Variants in TOX observed in about 807,000 individuals in gnomAD.
TOX encodes the protein thymocyte selection associated high mobility group box, also known as thymocyte selection-associated high mobility group box protein TOX.
A neutral mutation model predicts 53.7 loss-of-function variants in TOX; 11 were observed. The ratio of observed to expected loss-of-function variants is 0.20; its 90% CI spans 0.13 to 0.34. The LOEUF (loss-of-function observed/expected upper bound fraction) is 0.34, where lower values mean the gene tolerates loss of function less well. Ranked by LOEUF, TOX falls within the 10% of genes least tolerant of loss-of-function variation. The pLI is 1.00. For synonymous variants in TOX, 225 were observed against 245.3 expected (o/e 0.92, Z 0.77); for missense variants, 570 against 664.6 (o/e 0.86, Z 1.56).
chr8:58,915,012 A>T (rs1429097228), intron 3 of TOX, among the ~76,000 whole-genome samples: 2 of 150,644 alleles, frequency 1.3e-5, no homozygotes, highest in African/African-American at 4.9e-5. Flanking sequence ...AAAACGGCGC[A>T]CCACGAGACT....
rs936391022 is a variant in TOX at position 58,961,594 on chromosome 8, C to T, written c.103-1586G>A. Among the ~76,000 whole-genome samples, 8 of 151,416 alleles carry T rather than the reference C, an allele frequency of 5.3e-5. No homozygotes were observed. The East Asian group carries it at 7.8e-4, about 15-fold the overall frequency. On this transcript the variant is annotated intron_variant, in intron 1 of 8. Coordinates refer to ENST00000361421, the MANE Select transcript of TOX (RefSeq NM_014729.3). ...CCCAGGCTGAGTGAAATGGCGCGATCGCAGCTCACTGCAATCTCCGCCTCC... is the reference window on the plus strand; with the variant it reads ...CCCAGGCTGAGTGAAATGGCGCGATTGCAGCTCACTGCAATCTCCGCCTCC...
chr8:59,116,417 C>T (rs1805099493), intron 1 of TOX, among the ~76,000 whole-genome samples: 1 of 152,248 alleles, frequency 6.6e-6, no homozygotes, highest in Non-Finnish European at 1.5e-5. Context: ...TGTCCTTCTT[C>T]CATTTCCCTG....
chr8:58,805,990 G>A lies in TOX; in HGVS notation c.*1757C>T, dbSNP rs761717666. On this transcript the variant is annotated 3_prime_UTR_variant, in exon 9 of 9. Coordinates refer to ENST00000361421, the MANE Select transcript of TOX (RefSeq NM_014729.3). ...GCTAAATTTATTTCACATATTCCAA[G>A]AAAGAGACATCAGCCATTCTCTTGG... The A allele has an allele frequency of 1.3e-5, 2 of 152,602 alleles. No individual in the cohort carries two copies. The highest frequency in any genetic ancestry group is 1.5e-5 in the Non-Finnish European group (1 of 68,034). 9.5% of individuals were successfully genotyped at this position (152,602 alleles called of 1,614,324 possible).
chr8:58,921,811 A>T (rs144086067), intron 3 of TOX, among the ~76,000 whole-genome samples: 47 of 152,320 alleles, frequency 3.1e-4, no homozygotes, highest in African/African-American at 1.1e-3. Flanking sequence ...TCTCTGAAAG[A>T]GGTCGTTTTT....
chr8:58,919,336 T>C (rs1207231953), intron 3 of TOX, among the ~76,000 whole-genome samples: 3 of 54,102 alleles, frequency 5.5e-5, no homozygotes, highest in African/African-American at 2.6e-4. Context: ...CAAAACAGCA[T>C]GGTACTGGTA....
rs560478337 is a variant in TOX at position 58,851,158 on chromosome 8, GTCTCTCTCTCTCTC to G, written c.693+352_693+365del. ...CACCATACATCTCCTCTCTCTCTCT[GTCTCTCTCTCTCTC>G]TCTCTCTCTCTCTCACACACACACA... is the stretch of plus-strand genomic sequence containing the variant. On this transcript the variant is annotated intron_variant, in intron 4 of 8. Coordinates refer to ENST00000361421, the MANE Select transcript of TOX (RefSeq NM_014729.3). This position sits in a 1 kb window ranked among gnomAD's most constrained non-coding sequence, Gnocchi z 4.4. 8.5e-6 allele frequency among the ~76,000 whole-genome samples: 1 copy of G among 118,214 alleles called. No homozygotes were observed. Among genetic ancestry groups the G allele is most frequent in the Non-Finnish European group, 1.8e-5 (1 of 54,136 alleles). The allele number at this position is 118,214 out of a possible 152,430, so 77.6% of individuals were successfully genotyped here.
At chr8:58,886,912 C>T (rs1811478195) in intron 3 of TOX, among the ~76,000 whole-genome samples, 1 of 151,386 alleles carries the variant, frequency 6.6e-6, no homozygotes, top group Non-Finnish European at 1.5e-5. Context: ...TAGGGGCATC[C>T]TTATCTCATT....
chr8:59,039,801 G>T (rs371086690), intron 1 of TOX, among the ~76,000 whole-genome samples: 1 of 152,090 alleles, frequency 6.6e-6, no homozygotes, highest in East Asian at 1.9e-4. Context: ...AAAGCTTTAT[G>T]TATTTACTTT....
At chr8:58,895,770 A>G (rs1477675925) in intron 3 of TOX, among the ~76,000 whole-genome samples, 2 of 152,208 alleles carry the variant, frequency 1.3e-5, no homozygotes, top group African/African-American at 2.4e-5. Flanking sequence ...ACTGCTCTGG[A>G]AAGACCACCA....
At chr8:59,005,329 C>A (rs370657221) in intron 1 of TOX, among the ~76,000 whole-genome samples, 1 of 152,090 alleles carries the variant, frequency 6.6e-6, no homozygotes, top group Non-Finnish European at 1.5e-5. Context: ...TGAGCCACTG[C>A]GCCCGGCCCT....
chr8:59,071,776 C>G (rs982877300), intron 1 of TOX, among the ~76,000 whole-genome samples: 2 of 152,292 alleles, frequency 1.3e-5, no homozygotes, highest in South Asian at 4.2e-4. Context: ...GGATCTATAT[C>G]TACTCATCGA....
chr8:58,830,823 C>T (rs976634531), intron 5 of TOX, among the ~76,000 whole-genome samples: 4 of 152,086 alleles, frequency 2.6e-5, no homozygotes, highest in Non-Finnish European at 5.9e-5. Flanking sequence ...TGTCGTTTTT[C>T]CCACTACTAT....
Position 58,815,487 on chromosome 8 carries a change from C to G in TOX, c.1243G>C (p.Val415Leu). 1.2e-6 allele frequency: 2 copies of G among 1,613,926 alleles called. No homozygotes were observed. The highest frequency in any genetic ancestry group is 1.6e-4 in the Middle Eastern group (1 of 6,062). Reference protein sequence around the residue: ...PVTVSIANMAVSPPPPLQISP... With the variant: ...PVTVSIANMALSPPPPLQISP... ...ATCTGGAGGGGAGGAGGAGGGGACA[C>G]AGCCATGTTTGCTATAGAGACAGTC... Residue 415 changes from valine (V) to leucine (L), a missense_variant, in exon 7 of 9, where the codon GTG becomes CTG. By Grantham distance (32) the Val-to-Leu change is conservative. This residue lies in a region of TOX where 239 missense variants were observed against 250.7 expected (regional missense o/e 0.95). Transcript: ENST00000361421.
intron 6 of TOX, among the ~76,000 whole-genome samples, chr8:58,817,644 T>G (rs1585841408): frequency 6.6e-6 from 1 of 152,220 alleles, no homozygotes; most frequent in African/African-American, 2.4e-5. Context: ...TCGGTATGTT[T>G]GAATTCCCTC....
intron 1 of TOX, among the ~76,000 whole-genome samples, chr8:59,092,151 C>A (rs1015990266): frequency 1.3e-5 from 2 of 149,402 alleles, no homozygotes; most frequent in South Asian, 2.1e-4. Flanking sequence ...ACTCGGGAGG[C>A]AGAGGCAGGA....
At chr8:58,889,119 A>G (rs977061118) in intron 3 of TOX, among the ~76,000 whole-genome samples, 1 of 151,678 alleles carries the variant, frequency 6.6e-6, no homozygotes, top group Non-Finnish European at 1.5e-5. Context: ...TTACAAATGC[A>G]TATACATTTT....
At chr8:58,896,057 CT>C (rs1450790114) in intron 3 of TOX, among the ~76,000 whole-genome samples, 2 of 152,096 alleles carry the variant, frequency 1.3e-5, no homozygotes, top group African/African-American at 4.8e-5. Context: ...CCTTTTTATT[CT>C]TTTTTTCAGT....
intron 1 of TOX, among the ~76,000 whole-genome samples, chr8:58,965,594 A>G (rs1361475065): frequency 6.6e-6 from 1 of 152,186 alleles, no homozygotes; most frequent in Admixed American, 6.5e-5. Context: ...GAAACCATTA[A>G]AAGAAAATCA....
At chr8:58,946,944 G>A (rs1812531740) in intron 2 of TOX, among the ~76,000 whole-genome samples, 1 of 152,182 alleles carries the variant, frequency 6.6e-6, no homozygotes, top group Middle Eastern at 3.4e-3. Context: ...GGTGATACTA[G>A]ATCTTCTTTT....
Sources: gnomAD v4.1 joint callset for allele counts (sites outside exome capture counted in the v4.1 genomes callset) on GRCh38, gnomAD v4.1.1 for gene constraint, gnomAD v4.1.1 regional missense constraint, Gnocchi (gnomAD v3.1) non-coding constraint, MANE v1.5 for transcripts, NCBI Gene and HGNC (gene_info 2026-07-23, HGNC 2026-07-21) for gene names.